Variants in SH3RF1 observed in about 807,000 individuals in gnomAD.
The protein encoded by SH3RF1 is E3 ubiquitin-protein ligase SH3RF1.
In SH3RF1, 32 loss-of-function variants were observed where a neutral mutation model predicts 74.0. The ratio of observed to expected loss-of-function variants is 0.43; its 90% CI spans 0.33 to 0.58. SH3RF1 has a LOEUF of 0.58. SH3RF1 is among the 20% of genes least tolerant of loss of function. The pLI, the probability that SH3RF1 is intolerant of heterozygous loss-of-function variation, is 0.05. For synonymous variants in SH3RF1, 396 were observed against 439.6 expected (o/e 0.90, Z 1.24); for missense variants, 954 against 1,130.9 (o/e 0.84, Z 2.24).
At chr4:169,163,102 GA>G (rs59698056) in intron 2 of SH3RF1, among the ~76,000 whole-genome samples, 82,455 of 146,978 alleles carry the variant, frequency 0.56, 24,599 homozygotes, top group East Asian at 0.71. Flanking sequence ...TAGAGGGAGA[GA>G]AAAAAAAAAA....
intron 6 of SH3RF1, among the ~76,000 whole-genome samples, chr4:169,126,058 T>C (rs1053637057): frequency 6.6e-5 from 10 of 152,206 alleles, no homozygotes; most frequent in Admixed American, 3.9e-4. Context: ...TAATTAGAAA[T>C]AGTTTATGTA....
intron 2 of SH3RF1, among the ~76,000 whole-genome samples, chr4:169,223,443 T>A (rs1453798365): frequency 1.3e-5 from 2 of 151,974 alleles, no homozygotes; most frequent in Admixed American, 1.3e-4. Flanking sequence ...TAAAGTACAC[T>A]ATGGATAGTT....
At chr4:169,217,630 G>C (rs1287896249) in intron 2 of SH3RF1, among the ~76,000 whole-genome samples, 1 of 152,118 alleles carries the variant, frequency 6.6e-6, no homozygotes. Context: ...ATAAGGCAAA[G>C]GACTACAAGG....
At chr4:169,233,336 C>A (rs1227306286) in intron 2 of SH3RF1, among the ~76,000 whole-genome samples, 1 of 150,002 alleles carries the variant, frequency 6.7e-6, no homozygotes, top group Non-Finnish European at 1.5e-5. Flanking sequence ...TTCCGGTTAT[C>A]TGGAAGTCAA....
intron 4 of SH3RF1, among the ~76,000 whole-genome samples, chr4:169,140,089 A>G (rs1161554989): frequency 6.6e-6 from 1 of 152,228 alleles, no homozygotes; most frequent in East Asian, 1.9e-4. Context: ...GAAGCAGCAC[A>G]TATTAGTATT....
intron 2 of SH3RF1, among the ~76,000 whole-genome samples, chr4:169,158,399 C>T (rs1734096725): frequency 6.6e-6 from 1 of 152,098 alleles, no homozygotes; most frequent in Admixed American, 6.5e-5. Flanking sequence ...GACTGGGGAG[C>T]ATAAAGAATG....
intron 2 of SH3RF1, among the ~76,000 whole-genome samples, chr4:169,211,475 CCGT>C (rs1247805199): frequency 1.5e-5 from 2 of 131,682 alleles, no homozygotes; most frequent in African/African-American, 2.7e-5. Flanking sequence ...GAGCGAGACT[CCGT>C]CTCAAAAAAA....
rs753848980 is a variant in SH3RF1, at chr4:169,116,438, G to T, written c.1970C>A (p.Ala657Asp). The change falls in exon 10 of 12, where the codon GCC (alanine) becomes GAC (aspartate). Residue 657 changes from alanine (A) to aspartate (D), a missense_variant. Physicochemically the swap from Ala to Asp is moderately radical, Grantham distance 126. Around this residue, in one of 3 missense-constraint regions of SH3RF1, gnomAD observed 854 missense variants for 962.5 expected, o/e 0.89. Transcript: ENST00000284637. ...AGTCAGTGGAGCAGCTGCTGCACAGGCCAGAGGGGCACTGGCTCGACTGAT... is the reference window on the plus strand; with the variant it reads ...AGTCAGTGGAGCAGCTGCTGCACAGTCCAGAGGGGCACTGGCTCGACTGAT... ...ISISRASAPL[A>D]CAAAAPLTSP... 6 of 1,614,006 alleles carry T rather than the reference G, an allele frequency of 3.7e-6. No homozygotes were observed. The highest frequency in any genetic ancestry group is 5.1e-6 in the Non-Finnish European group (6 of 1,180,010).
intron 2 of SH3RF1, among the ~76,000 whole-genome samples, chr4:169,204,406 A>G (rs985374117): frequency 6.6e-6 from 1 of 152,190 alleles, no homozygotes; most frequent in African/African-American, 2.4e-5. Context: ...CTTTCTCCCA[A>G]CACTCAAACA....
chr4:169,113,665 G>C (rs1438455598), intron 10 of SH3RF1, among the ~76,000 whole-genome samples: 4 of 152,130 alleles, frequency 2.6e-5, no homozygotes, highest in Admixed American at 2.6e-4. Flanking sequence ...AGATGTGATG[G>C]AGAAATGTAT....
chr4:169,269,282 A>C lies in SH3RF1; in HGVS notation c.-70T>G. ...TTGTGTGCATCCCTTAAAATGACTC[A>C]TGTAACATCCATTTCAGACTTTGCT... On this transcript the variant is annotated 5_prime_UTR_variant, in exon 2 of 12. An upstream start codon of the reference 5' UTR is lost. Coordinates refer to ENST00000284637, the MANE Select transcript of SH3RF1 (RefSeq NM_020870.4). 2.1e-6 allele frequency: 3 copies of C among 1,459,962 alleles called. No homozygotes were observed. The highest frequency in any genetic ancestry group is 2.7e-6 in the Non-Finnish European group (3 of 1,098,924). 90.4% of individuals were successfully genotyped at this position (1,459,962 alleles called of 1,614,324 possible).
chr4:169,244,170 A>G (rs1228040509), intron 2 of SH3RF1, among the ~76,000 whole-genome samples: 2 of 152,212 alleles, frequency 1.3e-5, no homozygotes, highest in Non-Finnish European at 2.9e-5. Context: ...CATTTATTTC[A>G]ATCTGTCTTG....
chr4:169,216,634 G>A (rs1730468563), intron 2 of SH3RF1, among the ~76,000 whole-genome samples: 1 of 152,006 alleles, frequency 6.6e-6, no homozygotes, highest in Admixed American at 6.6e-5. Flanking sequence ...TGAGCCCAGT[G>A]GTTTGAGACC....
intron 3 of SH3RF1, 96 bp downstream of exon 3, chr4:169,156,308 A>AT (rs35455310): frequency 7.7e-4 from 1,035 of 1,344,176 alleles, no homozygotes; most frequent in African/African-American, 4.6e-3. Context: ...CAAAACTTGT[A>AT]TTTTTTTTTG....
At chr4:169,242,166 G>A (rs929653823) in intron 2 of SH3RF1, among the ~76,000 whole-genome samples, 2 of 151,638 alleles carry the variant, frequency 1.3e-5, no homozygotes, top group Non-Finnish European at 2.9e-5. Flanking sequence ...AATGCTAAAT[G>A]ATTCTTTCAT....
chr4:169,226,267 T>TG (rs2127004646), intron 2 of SH3RF1, among the ~76,000 whole-genome samples: 2 of 152,338 alleles, frequency 1.3e-5, no homozygotes, highest in East Asian at 3.9e-4. Context: ...ATTTTGTTTC[T>TG]GAAATTAATT....
At chr4:169,111,081 G>A (rs1182243115) in intron 10 of SH3RF1, among the ~76,000 whole-genome samples, 1 of 151,812 alleles carries the variant, frequency 6.6e-6, no homozygotes, top group Admixed American at 6.6e-5. Flanking sequence ...GCCGAGGCAG[G>A]GGGATCACTT....
Position 169,096,122 on chromosome 4 carries a change from T to A in SH3RF1, c.*397A>T, listed in dbSNP as rs146124616. The A allele has an allele frequency of 3.9e-4, 61 of 157,668 alleles. No individual in the cohort carries two copies. The highest frequency in any genetic ancestry group is 1.1e-3 in the East Asian group (6 of 5,382). The allele number at this position is 157,668 out of a possible 1,614,324, so 9.8% of individuals were successfully genotyped here. ...AGATAATCCAGCTTCTCCTTACCTATCATTTCATAAATTAATAATTTCTTA... is the reference window on the plus strand; with the variant it reads ...AGATAATCCAGCTTCTCCTTACCTAACATTTCATAAATTAATAATTTCTTA... On this transcript the variant is annotated 3_prime_UTR_variant, in exon 12 of 12. Transcript: ENST00000284637.
chr4:169,099,543 G>GAAGA (rs1732982975), intron 11 of SH3RF1, among the ~76,000 whole-genome samples: 1 of 152,096 alleles, frequency 6.6e-6, no homozygotes, highest in Non-Finnish European at 1.5e-5. Flanking sequence ...AACATTTAAG[G>GAAGA]CAAAGCTTTA....
Sources: gnomAD v4.1 joint callset for allele counts (sites outside exome capture counted in the v4.1 genomes callset) on GRCh38, gnomAD v4.1.1 for gene constraint, gnomAD v4.1.1 regional missense constraint, MANE v1.5 for transcripts, NCBI Gene and HGNC (gene_info 2026-07-23, HGNC 2026-07-21) for gene names.